DBN1: variants seen among roughly 807,000 people sequenced by gnomAD.
DBN1 encodes the protein drebrin 1, also known as drebrin.
A neutral mutation model predicts 83.5 loss-of-function variants in DBN1; 21 were observed. That is an observed-to-expected ratio of 0.25 (90% confidence interval 0.18 to 0.36). The LOEUF (loss-of-function observed/expected upper bound fraction) is 0.36. DBN1 is among the 10% of genes least tolerant of loss of function. DBN1 has a pLI of 1.00. For synonymous variants in DBN1, 381 were observed against 384.9 expected (o/e 0.99, Z 0.12); for missense variants, 874 against 935.7 (o/e 0.93, Z 0.86).
intron 1 of DBN1, among the ~76,000 whole-genome samples, chr5:177,472,575 C>A (rs1466375789): frequency 6.6e-6 from 1 of 152,076 alleles, no homozygotes; most frequent in African/African-American, 2.4e-5. Context: ...CCCAGCTCCT[C>A]CCCCATCAGG....
Position 177,460,714 on chromosome 5 carries a change from A to T in DBN1, c.772-11T>A, listed in dbSNP as rs1338843209. 6.2e-7 allele frequency: 1 copy of T among 1,613,310 alleles called. No homozygotes were observed. Among genetic ancestry groups the T allele is most frequent in the Non-Finnish European group, 8.5e-7 (1 of 1,179,716 alleles). ...ATCCCGATGGTCACCCTAGAAACCA[A>T]AGGGACAGTGTCTGGTGCACCTACC... On this transcript the variant is annotated splice_polypyrimidine_tract_variant and intron_variant, in intron 8 of 14. Transcript: ENST00000393565.
chr5:177,472,237 G>A, intron 1 of DBN1: 5 of 1,613,306 alleles, frequency 3.1e-6, no homozygotes, highest in Non-Finnish European at 4.2e-6. Context: ...GAAGCCCCCA[G>A]GTCAGAGTCC....
At position 177,467,926 on chromosome 5, in the gene DBN1, T is replaced by C. The variant is rs1757569267; in HGVS notation, c.256-109A>G. On this transcript the variant is annotated intron_variant, in intron 3 of 14. Transcript: ENST00000393565. The surrounding 1 kb of genome is among the most constrained non-coding windows in gnomAD (Gnocchi z 9.1). ...GAGGGTGGGCTTCCCTCTCCACGGG[T>C]GTCAGAGGGCCGACGGGGAGGGCGA... The C allele has an allele frequency of 6.3e-6, 9 of 1,431,292 alleles. No individual in the cohort carries two copies. Among genetic ancestry groups the C allele is most frequent in the Non-Finnish European group, 8.8e-6 (9 of 1,024,038 alleles). The allele number at this position is 1,431,292 out of a possible 1,614,324, so 88.7% of individuals were successfully genotyped here. A position where few individuals can be genotyped will look rare whatever the true frequency, so the allele number is the denominator to read the frequency against.
intron 2 of DBN1, chr5:177,468,499 T>C (rs1254103966): frequency 5.9e-6 from 3 of 510,034 alleles, no homozygotes; most frequent in African/African-American, 3.8e-5. Flanking sequence ...CACATCATCA[T>C]GTCTCACCAG....
chr5:177,462,410 G>C (rs1240584125), intron 8 of DBN1: 1 of 985,350 alleles, frequency 1.0e-6, no homozygotes, highest in Non-Finnish European at 1.2e-6. Context: ...TCCTGGGGAA[G>C]GACCTCTGAA....
chr5:177,459,133 G>A lies in DBN1; in HGVS notation c.1229C>T (p.Pro410Leu). ...TGGGGGTGGCGGTGGCAGTGGTGGA[G>A]GCTGCGAGGAGGTGACCTCATCCAG... ...RALDEVTSSQ[P>L]PPLPPPPPPA... Residue 410 changes from proline (P) to leucine (L), a missense_variant, in exon 12 of 15, where the codon CCT becomes CTT. Transcript: ENST00000393565. The A allele has an allele frequency of 1.2e-6, 2 of 1,610,784 alleles. No homozygotes were observed. The highest frequency in any genetic ancestry group is 2.3e-5 in the East Asian group (1 of 44,442).
rs1756855791 is a variant in DBN1 at position 177,459,609 on chromosome 5, G to A, written c.1087C>T (p.Leu363Phe). 1.3e-6 allele frequency: 2 copies of A among 1,536,398 alleles called. No individual in the cohort carries two copies. The highest frequency in any genetic ancestry group is 2.4e-5 in the East Asian group (1 of 41,716). Residue 363 changes from leucine to phenylalanine, a missense_variant, in exon 11 of 15, where the codon CTC becomes TTC. Around this residue, in one of 4 missense-constraint regions of DBN1, gnomAD observed 725 missense variants for 719.7 expected, o/e 1.01. Coordinates refer to ENST00000393565, the MANE Select transcript of DBN1 (RefSeq NM_001363541.2). ...CHRTPNLSSS[L>F]PCSHLDSHRR... is the part of the protein sequence containing the mutation. ...GCCTGGGGCTGCTACCTACATGGGAGGGAGGAAGAGAGGTTTGGGGTGCGG... is the reference window on the plus strand; with the variant it reads ...GCCTGGGGCTGCTACCTACATGGGAAGGAGGAAGAGAGGTTTGGGGTGCGG...
chr5:177,471,499 G>T (rs1757838595), intron 1 of DBN1, among the ~76,000 whole-genome samples: 1 of 152,086 alleles, frequency 6.6e-6, no homozygotes, highest in Non-Finnish European at 1.5e-5. Context: ...GGGGCAGACA[G>T]CAATTTACCC....
chr5:177,463,740 C>CTGAAATGTTGATAACTGG (rs1412985425), intron 8 of DBN1, among the ~76,000 whole-genome samples: 1 of 152,196 alleles, frequency 6.6e-6, no homozygotes, highest in Non-Finnish European at 1.5e-5. Flanking sequence ...CAGACTTTAC[C>CTGAAATGTTGATAACTGG]TGAAATGTTG....
intron 8 of DBN1, among the ~76,000 whole-genome samples, chr5:177,462,568 C>T (rs989834562): frequency 1.3e-5 from 2 of 152,176 alleles, no homozygotes; most frequent in African/African-American, 2.4e-5. Flanking sequence ...CCGGGGTCTC[C>T]GGGTGGGTGG....
At chr5:177,461,039 A>G (rs949404089) in intron 8 of DBN1, among the ~76,000 whole-genome samples, 6 of 151,000 alleles carry the variant, frequency 4.0e-5, no homozygotes, top group East Asian at 2.0e-4. Context: ...TTGGCCTCCC[A>G]AAGTGTTGGG....
At position 177,460,680 on chromosome 5, in the gene DBN1, T is replaced by C. The variant is rs775042357; in HGVS notation, c.795A>G (p.Glu265=). 1.1e-5 allele frequency: 17 copies of C among 1,614,084 alleles called. No individual in the cohort carries two copies. Among genetic ancestry groups the C allele is most frequent in the Admixed American group, 1.7e-5 (1 of 60,006 alleles). Reference sequence around the variant, plus strand: ...ACTCTGACTTCTTCATGTGGGTCTCTTCCTCCTCATCCCGATGGTCACCCT... The same window carrying C: ...ACTCTGACTTCTTCATGTGGGTCTCCTCCTCCTCATCCCGATGGTCACCCT... ...SIFGDHRDEE[E]ETHMKKSESE... is the part of the protein sequence containing the mutation. The change falls in exon 9 of 15, where the codon GAA becomes GAG. Residue 265 remains glutamate, a synonymous_variant. Transcript: ENST00000393565.
intron 1 of DBN1, among the ~76,000 whole-genome samples, chr5:177,469,605 C>T (rs1243549990): frequency 6.6e-6 from 1 of 152,236 alleles, no homozygotes; most frequent in African/African-American, 2.4e-5. Flanking sequence ...GCTGAGGCTT[C>T]CTGAGACTGC....
At chr5:177,471,748 C>T (rs1049910149) in intron 1 of DBN1, among the ~76,000 whole-genome samples, 3 of 152,122 alleles carry the variant, frequency 2.0e-5, no homozygotes, top group Admixed American at 1.3e-4. Context: ...GGCTGACGCA[C>T]ACCAGTGATG....
At chr5:177,461,423 T>A (rs931566226) in intron 8 of DBN1, among the ~76,000 whole-genome samples, 1 of 152,244 alleles carries the variant, frequency 6.6e-6, no homozygotes, top group East Asian at 1.9e-4. Context: ...ACAGCCCCCA[T>A]GCTTCTTTCG....
chr5:177,457,710 T>G lies in DBN1; in HGVS notation c.1962A>C (p.Gln654His). Residue 654 changes from glutamine (Q) to histidine (H), a missense_variant, in exon 14 of 15, where the codon CAA becomes CAC. This residue lies in a region of DBN1 where 725 missense variants were observed against 719.7 expected (regional missense o/e 1.01). Coordinates refer to ENST00000393565, the MANE Select transcript of DBN1 (RefSeq NM_001363541.2). The stretch of plus-strand genomic sequence containing the variant: ...GAGCCTTGGCACAGAGCTCTTCCGA[T>G]TGGGCAAACTCCTCCTCCTGTGATT... ...FSQSQEEEFA[Q>H]SEELCAKAPP... 1 of 1,612,876 alleles carries G rather than the reference T, an allele frequency of 6.2e-7. No individual in the cohort carries two copies. Among genetic ancestry groups the G allele is most frequent in the Non-Finnish European group, 8.5e-7 (1 of 1,178,986 alleles).
Position 177,467,866 on chromosome 5 carries a change from C to G in DBN1, c.256-49G>C. 1 of 1,581,998 alleles carries G rather than the reference C, an allele frequency of 6.3e-7. No homozygotes were observed. Among genetic ancestry groups the G allele is most frequent in the Non-Finnish European group, 8.6e-7 (1 of 1,160,706 alleles). The stretch of plus-strand genomic sequence containing the variant: ...GGGTCAGGAAAGGACAAGGGGGGCC[C>G]TACACGATAGGGTGCATCTTCCCCG... On this transcript the variant is annotated intron_variant, in intron 3 of 14. Transcript: ENST00000393565. The surrounding 1 kb of genome is among the most constrained non-coding windows in gnomAD (Gnocchi z 9.1).
chr5:177,470,839 G>GT (rs1405917968), intron 1 of DBN1, among the ~76,000 whole-genome samples: 1 of 152,168 alleles, frequency 6.6e-6, no homozygotes, highest in Non-Finnish European at 1.5e-5. Flanking sequence ...GAGCCTGGTG[G>GT]TGCACCAGGT....
intron 12 of DBN1, 33 bp downstream of exon 12, chr5:177,459,065 G>T: frequency 6.4e-7 from 1 of 1,570,986 alleles, no homozygotes; most frequent in Non-Finnish European, 8.6e-7. Flanking sequence ...ACTGATGATG[G>T]GAGGCCTGGT....
Sources: allele counts gnomAD v4.1 joint callset (sites outside exome capture counted in the v4.1 genomes callset), GRCh38; gene constraint gnomAD v4.1.1; regional missense constraint gnomAD v4.1.1; non-coding constraint Gnocchi (gnomAD v3.1); transcripts MANE v1.5; gene names NCBI Gene and HGNC (gene_info 2026-07-23, HGNC 2026-07-21).